Variants in ERC2 observed in about 807,000 individuals in gnomAD.
ERC2 encodes ELKS/RAB6-interacting/CAST family member 2, also known as ERC protein 2.
ERC2 carries 42 observed loss-of-function variants against 114.8 expected under a neutral mutation model. That is an observed-to-expected ratio of 0.37 (90% confidence interval 0.29 to 0.47). The LOEUF (loss-of-function observed/expected upper bound fraction) is 0.47, where lower values mean the gene tolerates loss of function less well. ERC2 is among the 20% of genes least tolerant of loss of function. The pLI is 0.99. For missense variants in ERC2, 939 were observed against 1,150.7 expected, an observed-to-expected ratio of 0.82 and a Z score of 2.66; for synonymous variants, 454 against 425.5, an observed-to-expected ratio of 1.07 and a Z score of -0.82.
At chr3:55,576,893 T>C (rs1266938162) in intron 17 of ERC2, among the ~76,000 whole-genome samples, 1 of 152,250 alleles carries the variant, frequency 6.6e-6, no homozygotes, top group Non-Finnish European at 1.5e-5. Flanking sequence ...CTCAGGGCCC[T>C]GTGGCCTTTC....
At chr3:55,677,342 T>C (rs815415) in intron 17 of ERC2, among the ~76,000 whole-genome samples, 55,678 of 151,940 alleles carry the variant, frequency 0.37, 10,710 homozygotes, top group African/African-American at 0.47. Context: ...AGGCCTGCTA[T>C]GTAGGTGGCT....
At chr3:55,599,710 G>C (rs2058312093) in intron 17 of ERC2, among the ~76,000 whole-genome samples, 1 of 152,192 alleles carries the variant, frequency 6.6e-6, no homozygotes, top group Non-Finnish European at 1.5e-5. Context: ...GAAATTCTCA[G>C]TTGGAATATT....
chr3:56,298,095 T>C (rs1436475028), intron 2 of ERC2, among the ~76,000 whole-genome samples: 3 of 152,212 alleles, frequency 2.0e-5, no homozygotes, highest in Admixed American at 6.5e-5. Context: ...AAGTGTAACA[T>C]ACAAAGTTGT....
intron 8 of ERC2, 34 bp downstream of exon 8, chr3:56,018,860 A>ATCCTG: frequency 6.2e-7 from 1 of 1,603,096 alleles, no homozygotes; most frequent in Non-Finnish European, 8.5e-7. Flanking sequence ...GTTTCCCCAT[A>ATCCTG]TCCTGATTCC....
At chr3:55,775,519 A>G (rs976230125) in intron 14 of ERC2, among the ~76,000 whole-genome samples, 6 of 150,122 alleles carry the variant, frequency 4.0e-5, no homozygotes, top group African/African-American at 1.5e-4. Flanking sequence ...CGACTCTGGC[A>G]GAATGAGACC....
chr3:56,033,698 T>C (rs1471391160), intron 7 of ERC2, among the ~76,000 whole-genome samples: 1 of 152,240 alleles, frequency 6.6e-6, no homozygotes, highest in Non-Finnish European at 1.5e-5. Flanking sequence ...TTGAATCATG[T>C]AATCATCCCC....
At chr3:56,332,707 C>G (rs568059394) in intron 2 of ERC2, among the ~76,000 whole-genome samples, 93 of 152,328 alleles carry the variant, frequency 6.1e-4, no homozygotes, top group Admixed American at 4.3e-3. Flanking sequence ...TGTTTAGGTT[C>G]TTAAATTATA....
intron 7 of ERC2, among the ~76,000 whole-genome samples, chr3:56,053,634 C>A (rs1382330064): frequency 6.6e-6 from 1 of 152,138 alleles, no homozygotes; most frequent in Admixed American, 6.6e-5. Context: ...AGCCGTTTAG[C>A]CACTTTAGAA....
intron 2 of ERC2, among the ~76,000 whole-genome samples, chr3:56,343,968 T>C (rs1391211016): frequency 6.6e-6 from 1 of 152,186 alleles, no homozygotes; most frequent in Non-Finnish European, 1.5e-5. Flanking sequence ...ATCCTTTCTG[T>C]TGAAATTTAA....
intron 12 of ERC2, among the ~76,000 whole-genome samples, chr3:55,967,797 C>A (rs1254584106): frequency 6.6e-6 from 1 of 152,106 alleles, no homozygotes; most frequent in Non-Finnish European, 1.5e-5. Flanking sequence ...GAGTGGGTTC[C>A]TTATGAAAGG....
chr3:55,577,543 C>G (rs2057046664), intron 17 of ERC2, among the ~76,000 whole-genome samples: 1 of 152,178 alleles, frequency 6.6e-6, no homozygotes, highest in South Asian at 2.1e-4. Context: ...TCACAGCAAT[C>G]ACAGGCCTGC....
chr3:55,877,082 T>C (rs2062883467), intron 14 of ERC2, among the ~76,000 whole-genome samples: 1 of 152,152 alleles, frequency 6.6e-6, no homozygotes, highest in Non-Finnish European at 1.5e-5. Flanking sequence ...GAAACACCAG[T>C]ATAAAAAATG....
intron 3 of ERC2, among the ~76,000 whole-genome samples, chr3:56,261,682 A>C (rs1022457237): frequency 2.6e-5 from 4 of 152,094 alleles, no homozygotes; most frequent in African/African-American, 9.7e-5. Context: ...TTGAGCTGAA[A>C]TTGTTTATTC....
At chr3:55,920,817 T>A (rs1323504384) in intron 13 of ERC2, among the ~76,000 whole-genome samples, 1 of 152,094 alleles carries the variant, frequency 6.6e-6, no homozygotes, top group African/African-American at 2.4e-5. Context: ...ATGCTCAGTA[T>A]TTGTCAGTCA....
chr3:55,669,581 T>C (rs2148730589), intron 17 of ERC2, among the ~76,000 whole-genome samples: 1 of 152,362 alleles, frequency 6.6e-6, no homozygotes, highest in South Asian at 2.1e-4. Context: ...TGATTGTATT[T>C]CTTGTAATGG....
chr3:56,441,222 G>T (rs2062290578), intron 1 of ERC2, among the ~76,000 whole-genome samples: 1 of 152,170 alleles, frequency 6.6e-6, no homozygotes, highest in Non-Finnish European at 1.5e-5. Context: ...CCACGTGAAG[G>T]AGAACCAAAG....
At chr3:56,315,267 T>G (rs1364556784) in intron 2 of ERC2, among the ~76,000 whole-genome samples, 1 of 152,182 alleles carries the variant, frequency 6.6e-6, no homozygotes, top group East Asian at 1.9e-4. Flanking sequence ...TTTTTTTTCC[T>G]AAAAATCTAT....
chr3:55,806,457 G>A (rs1251955846), intron 14 of ERC2, among the ~76,000 whole-genome samples: 1 of 152,002 alleles, frequency 6.6e-6, no homozygotes, highest in Non-Finnish European at 1.5e-5. Context: ...GAATCACAAG[G>A]TCACCACCAA....
chr3:55,766,613 G>A (rs994587224), intron 14 of ERC2: 2 of 152,102 alleles, frequency 1.3e-5, no homozygotes, highest in African/African-American at 4.8e-5. Context: ...AGGGTGAGTG[G>A]AGCTTGTGGG....
Sources: allele counts gnomAD v4.1 joint callset (sites outside exome capture counted in the v4.1 genomes callset), GRCh38; gene constraint gnomAD v4.1.1; transcripts MANE v1.5; gene names NCBI Gene and HGNC (gene_info 2026-07-23, HGNC 2026-07-21).